RIMS2: variants seen among roughly 807,000 people sequenced by gnomAD.
RIMS2 encodes the protein regulating synaptic membrane exocytosis protein 2.
In RIMS2, 59 loss-of-function variants were observed where a neutral mutation model predicts 174.4. The ratio of observed to expected loss-of-function variants is 0.34; its 90% CI spans 0.27 to 0.42. The LOEUF (loss-of-function observed/expected upper bound fraction) is 0.42. Among genes scored for constraint, RIMS2 ranks in the 10% least tolerant of loss-of-function variants. The probability of loss-of-function intolerance (pLI) is 1.00; values close to 1 mark genes in which losing one functional copy is unlikely to be tolerated. For missense variants in RIMS2, 1,620 were observed against 1,666.3 expected (o/e 0.97, Z 0.48); for synonymous variants, 606 against 572.5 (o/e 1.06, Z -0.84).
intron 18 of RIMS2, 79 bp downstream of exon 20, chr8:104,013,700 C>T: frequency 1.7e-6 from 2 of 1,159,658 alleles, no homozygotes; most frequent in Non-Finnish European, 2.6e-6. Flanking sequence ...GTTAACTGGT[C>T]TCTTCTATCA....
chr8:104,162,011 C>CT (rs776806111), intron 19 of RIMS2, among the ~76,000 whole-genome samples: 6 of 152,162 alleles, frequency 3.9e-5, no homozygotes, highest in Admixed American at 6.5e-5. Context: ...CTTTTAAGGG[C>CT]TTATGTAATT....
intron 19 of RIMS2, among the ~76,000 whole-genome samples, chr8:104,061,152 C>G (rs1162787525): frequency 6.6e-6 from 1 of 152,120 alleles, no homozygotes; most frequent in Non-Finnish European, 1.5e-5. Context: ...GTTGATCTGT[C>G]TAATGTTGAC....
intron 2 of RIMS2, among the ~76,000 whole-genome samples, chr8:103,724,198 T>G (rs1324072472): frequency 2.6e-5 from 4 of 152,156 alleles, no homozygotes; most frequent in Non-Finnish European, 4.4e-5. Flanking sequence ...GGTGCTATAA[T>G]CTCTTACCTG....
chr8:103,970,517 G>A (rs2092744468), intron 15 of RIMS2, among the ~76,000 whole-genome samples: 1 of 152,154 alleles, frequency 6.6e-6, no homozygotes, highest in Non-Finnish European at 1.5e-5. Flanking sequence ...AGCTCCTGGA[G>A]GTGAGTCTCA....
At chr8:103,778,793 A>T (rs887192299) in intron 3 of RIMS2, among the ~76,000 whole-genome samples, 2 of 152,008 alleles carry the variant, frequency 1.3e-5, no homozygotes, top group African/African-American at 2.4e-5. Flanking sequence ...GGATCATATG[A>T]TAGTTCTATT....
downstream of RIMS2, chr8:104,252,216 A>G (rs905347566): frequency 4.5e-6 from 1 of 221,540 alleles, no homozygotes; most frequent in Middle Eastern, 1.8e-3. Flanking sequence ...ATGGAGCTAT[A>G]CAGCCATGAA....
chr8:103,902,529 A>T (rs1278890719), intron 4 of RIMS2, among the ~76,000 whole-genome samples: 4 of 152,280 alleles, frequency 2.6e-5, no homozygotes, highest in South Asian at 4.1e-4. Flanking sequence ...TAGTTTGCAA[A>T]CCATTGCCTT....
chr8:103,966,867 A>G (rs1191476701), intron 15 of RIMS2, among the ~76,000 whole-genome samples: 1 of 151,614 alleles, frequency 6.6e-6, no homozygotes, highest in Non-Finnish European at 1.5e-5. Context: ...TTTTTTCTTG[A>G]CCCATGTGTT....
At chr8:104,042,089 A>T (rs893402458) in intron 19 of RIMS2, among the ~76,000 whole-genome samples, 4 of 151,392 alleles carry the variant, frequency 2.6e-5, no homozygotes, top group Middle Eastern at 3.4e-3. Flanking sequence ...TATATATATA[A>T]AATATGTATG....
intron 19 of RIMS2, among the ~76,000 whole-genome samples, chr8:104,046,858 G>T (rs948024007): frequency 6.6e-6 from 1 of 151,854 alleles, no homozygotes; most frequent in Admixed American, 6.6e-5. Context: ...GTTCAATACT[G>T]GGCTAGATAC....
At chr8:103,556,437 T>C (rs903452702) in intron 1 of RIMS2, among the ~76,000 whole-genome samples, 5 of 152,200 alleles carry the variant, frequency 3.3e-5, no homozygotes, top group Admixed American at 6.5e-5. Flanking sequence ...ACAAGTTATC[T>C]CATCTTATAC....
At position 103,670,253 on chromosome 8, in the gene RIMS2, C is replaced by T. The variant is rs563866548; in HGVS notation, c.177-26833C>T. Among the ~76,000 whole-genome samples the T allele has an allele frequency of 1.1e-4, 17 of 152,334 alleles. No individual in the cohort carries two copies. In the East Asian group the frequency reaches 1.2e-3, roughly 10 times the overall value. On this transcript the variant is annotated intron_variant, in intron 1 of 23. Coordinates refer to ENST00000504942, the Ensembl canonical transcript of RIMS2. ...CAGGGCACGAAGACCCTAGGCTGCACGCAGCAGGGGGACCCTGGGCTGAGC... is the reference window on the plus strand; with the variant it reads ...CAGGGCACGAAGACCCTAGGCTGCATGCAGCAGGGGGACCCTGGGCTGAGC...
intron 2 of RIMS2, among the ~76,000 whole-genome samples, chr8:103,751,964 A>G (rs2097899027): frequency 1.3e-5 from 2 of 152,018 alleles, no homozygotes; most frequent in South Asian, 2.1e-4. Context: ...ATTAGATCCC[A>G]TTTGTCAATT....
At chr8:103,926,561 A>G (rs1405541347) in intron 10 of RIMS2, among the ~76,000 whole-genome samples, 4 of 151,556 alleles carry the variant, frequency 2.6e-5, no homozygotes, top group Non-Finnish European at 5.9e-5. Flanking sequence ...TTTATGTCTT[A>G]AATAAACGTG....
At chr8:103,639,415 A>G (rs2096174091) in intron 1 of RIMS2, among the ~76,000 whole-genome samples, 1 of 151,762 alleles carries the variant, frequency 6.6e-6, no homozygotes, top group African/African-American at 2.4e-5. Context: ...TAGTTTCAAC[A>G]CTCTAAAAAT....
At chr8:104,081,055 T>C (rs1219546699) in intron 19 of RIMS2, among the ~76,000 whole-genome samples, 1 of 151,984 alleles carries the variant, frequency 6.6e-6, no homozygotes, top group African/African-American at 2.4e-5. Context: ...AAAACTAACT[T>C]ACAGTTGAAC....
chr8:103,581,241 A>G (rs1014295691), intron 1 of RIMS2, among the ~76,000 whole-genome samples: 3 of 152,210 alleles, frequency 2.0e-5, no homozygotes, highest in African/African-American at 7.2e-5. Context: ...ACAAAATACT[A>G]GCAAACCAAA....
intron 17 of RIMS2, among the ~76,000 whole-genome samples, chr8:103,989,780 A>T (rs2094570607): frequency 6.6e-6 from 1 of 152,214 alleles, no homozygotes; most frequent in South Asian, 2.1e-4. Flanking sequence ...AAATACTTTC[A>T]TGAGACAAAA....
chr8:104,202,433 A>C (rs939497869), intron 19 of RIMS2, among the ~76,000 whole-genome samples: 4 of 152,242 alleles, frequency 2.6e-5, no homozygotes, highest in African/African-American at 9.6e-5. Flanking sequence ...TTTTGAAAGC[A>C]CTGTAAAGCT....
Sources: gnomAD v4.1 joint callset for allele counts (sites outside exome capture counted in the v4.1 genomes callset) on GRCh38, gnomAD v4.1.1 for gene constraint, MANE v1.5 for transcripts, NCBI Gene and HGNC (gene_info 2026-07-23, HGNC 2026-07-21) for gene names.